KLHL1: variants seen among roughly 807,000 people sequenced by gnomAD.
KLHL1 encodes the protein kelch-like protein 1.
In KLHL1, 47 loss-of-function variants were observed where a neutral mutation model predicts 77.7. The ratio of observed to expected loss-of-function variants is 0.60; its 90% CI spans 0.48 to 0.77. The LOEUF (loss-of-function observed/expected upper bound fraction) is 0.77, where lower values mean the gene tolerates loss of function less well. Among genes scored for constraint, KLHL1 ranks in the 30% least tolerant of loss-of-function variants. The probability of loss-of-function intolerance (pLI) is 0.00; values close to 1 mark genes in which losing one functional copy is unlikely to be tolerated. For missense variants in KLHL1, 925 were observed against 910.8 expected (o/e 1.02, Z -0.20); for synonymous variants, 360 against 325.2 (o/e 1.11, Z -1.15).
intron 4 of KLHL1, among the ~76,000 whole-genome samples, chr13:69,937,203 C>T (rs1883213512): frequency 6.6e-6 from 1 of 152,110 alleles, no homozygotes; most frequent in Non-Finnish European, 1.5e-5. Flanking sequence ...ACTTTCTGCC[C>T]ATCTTTACCC....
chr13:69,888,558 G>A (rs933013232), intron 4 of KLHL1, among the ~76,000 whole-genome samples: 7 of 152,122 alleles, frequency 4.6e-5, no homozygotes, highest in Non-Finnish European at 1.0e-4. Context: ...TAGAGGCAGA[G>A]ATTATGTGTA....
At chr13:70,074,743 A>AG (rs1280366425) in intron 1 of KLHL1, among the ~76,000 whole-genome samples, 2 of 82,020 alleles carry the variant, frequency 2.4e-5, no homozygotes, top group Admixed American at 2.9e-4. Flanking sequence ...CGAGCAAGCA[A>AG]GAAAAAAAAA....
At chr13:69,727,237 G>T (rs1873339381) in intron 8 of KLHL1, among the ~76,000 whole-genome samples, 1 of 152,092 alleles carries the variant, frequency 6.6e-6, no homozygotes, top group Non-Finnish European at 1.5e-5. Context: ...TGACACTATT[G>T]TTCTTAAGTA....
chr13:69,975,656 A>G lies in KLHL1; in HGVS notation c.644T>C (p.Ile215Thr). ...TATCTTTCGGTTCCCAACAATCAGG[A>G]TAACATCACAAAGTTGCTGCTGCTT... The part of the protein sequence containing the change: ...YLKQQQLCDV[I>T]LIVGNRKIPA... The change falls in exon 2 of 11, where the codon ATC becomes ACC. Residue 215 changes from isoleucine (I) to threonine (T), a missense_variant. Transcript: ENST00000377844. 1 of 1,613,586 alleles carries G rather than the reference A, an allele frequency of 6.2e-7. No individual in the cohort carries two copies. The highest frequency in any genetic ancestry group is 1.3e-5 in the African/African-American group (1 of 75,000).
intron 1 of KLHL1, among the ~76,000 whole-genome samples, chr13:70,103,344 G>A (rs1158019080): frequency 6.6e-6 from 1 of 152,138 alleles, no homozygotes; most frequent in Non-Finnish European, 1.5e-5. Context: ...TCAGAACCAG[G>A]TAATCCATGG....
intron 1 of KLHL1, among the ~76,000 whole-genome samples, chr13:70,026,474 A>G (rs1885943280): frequency 1.3e-5 from 2 of 152,160 alleles, no homozygotes; most frequent in South Asian, 4.1e-4. Flanking sequence ...TATGTATTAC[A>G]TAAGAAATAA....
intron 2 of KLHL1, among the ~76,000 whole-genome samples, chr13:69,968,886 A>C (rs566897270): frequency 6.6e-6 from 1 of 152,276 alleles, no homozygotes; most frequent in East Asian, 1.9e-4. Flanking sequence ...TAATAAAAAA[A>C]AGAAGTGCTC....
At chr13:69,874,253 A>G (rs1191468948) in intron 5 of KLHL1, among the ~76,000 whole-genome samples, 1 of 152,106 alleles carries the variant, frequency 6.6e-6, no homozygotes, top group Non-Finnish European at 1.5e-5. Flanking sequence ...TCTAGTCTCC[A>G]GAATCAGTTG....
intron 1 of KLHL1, among the ~76,000 whole-genome samples, chr13:69,976,014 G>T (rs1411738630): frequency 6.6e-6 from 1 of 151,830 alleles, no homozygotes; most frequent in Non-Finnish European, 1.5e-5. Context: ...ATAAATAAAT[G>T]GAAAAGTTCT....
At chr13:69,753,896 G>A (rs922370524) in intron 7 of KLHL1, among the ~76,000 whole-genome samples, 4 of 152,198 alleles carry the variant, frequency 2.6e-5, no homozygotes, top group African/African-American at 7.2e-5. Flanking sequence ...GAGTACAGTG[G>A]TGCAATCACA....
intron 7 of KLHL1, among the ~76,000 whole-genome samples, chr13:69,779,077 T>C (rs1372829560): frequency 6.6e-6 from 1 of 151,996 alleles, no homozygotes; most frequent in African/African-American, 2.4e-5. Context: ...GGATTACAGG[T>C]CTAAGCCACC....
At chr13:69,928,289 G>C (rs1484649505) in intron 4 of KLHL1, among the ~76,000 whole-genome samples, 1 of 152,136 alleles carries the variant, frequency 6.6e-6, no homozygotes, top group Admixed American at 6.6e-5. Flanking sequence ...CCCGCCAATT[G>C]ACAATCTCCA....
At chr13:69,752,079 TG>T in intron 7 of KLHL1, among the ~76,000 whole-genome samples, 1 of 152,258 alleles carries the variant, frequency 6.6e-6, no homozygotes, top group East Asian at 1.9e-4. Context: ...CCCATAGTGT[TG>T]TTACAAGGAT....
intron 1 of KLHL1, among the ~76,000 whole-genome samples, chr13:70,000,506 T>C (rs1285211314): frequency 1.3e-5 from 2 of 151,976 alleles, no homozygotes; most frequent in East Asian, 3.9e-4. Context: ...AGAGAACTAT[T>C]GCATATCAAA....
Position 70,084,461 on chromosome 13 carries a change from C to CTTTTTTTTTTTTTTTTTTTTTTTTTTT in KLHL1, c.497+22741_497+22742insAAAAAAAAAAAAAAAAAAAAAAAAAAA, listed in dbSNP as rs1324246935. 3.5e-5 allele frequency among the ~76,000 whole-genome samples: 4 copies of CTTTTTTTTTTTTTTTTTTTTTTTTTTT among 115,104 alleles called. 1 individual carries two copies. The highest frequency in any genetic ancestry group is 1.1e-4 in the African/African-American group (3 of 28,428). 75.5% of individuals were successfully genotyped at this position (115,104 alleles called of 152,430 possible). On this transcript the variant is annotated intron_variant, in intron 1 of 10. Transcript: ENST00000377844. ...GATATTTTCTAGTCTATTTCTTCTT[C>CTTTTTTTTTTTTTTTTTTTTTTTTTTT]TTCTTTTTTTTTTTTTGAGACGGAG...
At chr13:69,753,104 C>T (rs1874557958) in intron 7 of KLHL1, among the ~76,000 whole-genome samples, 1 of 152,134 alleles carries the variant, frequency 6.6e-6, no homozygotes, top group South Asian at 2.1e-4. Context: ...CCCATTTTGC[C>T]TTCATGGGAG....
chr13:70,044,146 T>A (rs1886440926), intron 1 of KLHL1, among the ~76,000 whole-genome samples: 1 of 152,170 alleles, frequency 6.6e-6, no homozygotes, highest in Non-Finnish European at 1.5e-5. Flanking sequence ...TCTTATCTCT[T>A]CTCTTACTAC....
chr13:69,895,970 A>G (rs1881622947), intron 4 of KLHL1, among the ~76,000 whole-genome samples: 1 of 151,948 alleles, frequency 6.6e-6, no homozygotes, highest in Non-Finnish European at 1.5e-5. Flanking sequence ...TGCCTCCCAA[A>G]GTGCTGGGAT....
intron 1 of KLHL1, among the ~76,000 whole-genome samples, chr13:70,091,482 TAA>T (rs902271198): frequency 6.6e-6 from 1 of 152,118 alleles, no homozygotes; most frequent in Non-Finnish European, 1.5e-5. Flanking sequence ...TCCTACTCTC[TAA>T]AAGAGTCCAT....
Sources: gnomAD v4.1 joint callset for allele counts (sites outside exome capture counted in the v4.1 genomes callset) on GRCh38, gnomAD v4.1.1 for gene constraint, MANE v1.5 for transcripts, NCBI Gene and HGNC (gene_info 2026-07-23, HGNC 2026-07-21) for gene names.